CDH12: variants seen among roughly 807,000 people sequenced by gnomAD.
CDH12 encodes the protein cadherin 12.
In CDH12, 41 loss-of-function variants were observed where a neutral mutation model predicts 74.1. The observed-to-expected ratio is 0.55, with a 90% CI of 0.43 to 0.72. The LOEUF (loss-of-function observed/expected upper bound fraction) is 0.72. Among genes scored for constraint, CDH12 ranks in the 30% least tolerant of loss-of-function variants. The pLI is 0.00. For missense variants in CDH12, 945 were observed against 977.2 expected (o/e 0.97, Z 0.44); for synonymous variants, 399 against 355.0 (o/e 1.12, Z -1.39).
intron 5 of CDH12, among the ~76,000 whole-genome samples, chr5:22,074,188 A>T (rs1742145231): frequency 6.6e-6 from 1 of 152,178 alleles, no homozygotes; most frequent in South Asian, 2.1e-4. Flanking sequence ...TCTTTGACAA[A>T]TCTGAGAAAA....
intron 5 of CDH12, among the ~76,000 whole-genome samples, chr5:22,053,437 T>C (rs1740523870): frequency 6.6e-6 from 1 of 152,120 alleles, no homozygotes; most frequent in Non-Finnish European, 1.5e-5. Flanking sequence ...TCTGTTAACA[T>C]GCTTTATGTG....
intron 1 of CDH12, among the ~76,000 whole-genome samples, chr5:22,838,646 A>AGTGTGTGT (rs1260205552): frequency 5.3e-5 from 6 of 112,682 alleles, no homozygotes; most frequent in African/African-American, 2.0e-4. Flanking sequence ...GGTGTGTGAG[A>AGTGTGTGT]GTGTCTGTGT....
At chr5:22,336,148 C>T (rs746840038) in intron 3 of CDH12, among the ~76,000 whole-genome samples, 4 of 152,150 alleles carry the variant, frequency 2.6e-5, no homozygotes, top group Non-Finnish European at 5.9e-5. Flanking sequence ...AAACTTTGAA[C>T]TTGAGAGAGA....
At position 22,812,118 on chromosome 5, in the gene CDH12, A is replaced by G. The variant is rs1749178118; in HGVS notation, c.-523+40940T>C. 3.3e-5 allele frequency among the ~76,000 whole-genome samples: 5 copies of G among 152,152 alleles called. No individual in the cohort carries two copies. The South Asian group carries it at 1.0e-3, about 32-fold the overall frequency. On this transcript the variant is annotated intron_variant, in intron 1 of 14. Coordinates refer to ENST00000382254, the MANE Select transcript of CDH12 (RefSeq NM_004061.5). ...ATGATGAGCTTAACTGTGGAACTGG[A>G]CATATAAGATTATGAAATCATGAAA...
At chr5:21,811,367 A>C (rs1747734757) in intron 9 of CDH12, among the ~76,000 whole-genome samples, 1 of 152,038 alleles carries the variant, frequency 6.6e-6, no homozygotes, top group Admixed American at 6.6e-5. Context: ...TAATTATTTA[A>C]ATTTTGCAAT....
intron 4 of CDH12, among the ~76,000 whole-genome samples, chr5:22,153,929 A>C (rs1276515541): frequency 6.2e-5 from 8 of 129,112 alleles, no homozygotes; most frequent in Admixed American, 3.1e-4. Flanking sequence ...CACACACACA[A>C]ACATATATAT....
Position 22,425,520 on chromosome 5 carries a change from TTATAA to T in CDH12, c.-427-20174_-427-20170del, listed in dbSNP as rs1483583759. 3.9e-5 allele frequency among the ~76,000 whole-genome samples: 6 copies of T among 152,134 alleles called. No individual in the cohort carries two copies. The East Asian group carries it at 1.2e-3, about 29-fold the overall frequency. On this transcript the variant is annotated intron_variant, in intron 2 of 14. Transcript: ENST00000382254. ...TTTTGTATTCAAACATAAATTACAC[TTATAA>T]TATGAAATATGATATGAGTAGCAAC...
At chr5:22,805,631 ATTTAAG>A (rs1312120782) in intron 1 of CDH12, among the ~76,000 whole-genome samples, 1 of 152,102 alleles carries the variant, frequency 6.6e-6, no homozygotes, top group African/African-American at 2.4e-5. Flanking sequence ...AACATTTAGC[ATTTAAG>A]TTTATTTTAC....
chr5:21,776,147 C>G (rs973091225), intron 11 of CDH12, among the ~76,000 whole-genome samples: 3 of 152,192 alleles, frequency 2.0e-5, no homozygotes, highest in African/African-American at 7.2e-5. Context: ...ATGTTACAAA[C>G]TGCTCTATGG....
intron 1 of CDH12, among the ~76,000 whole-genome samples, chr5:22,544,177 G>A (rs1738218436): frequency 6.6e-6 from 1 of 151,452 alleles, no homozygotes; most frequent in Admixed American, 6.6e-5. Context: ...TTCTCCTCTA[G>A]GTTGTCTCCA....
intron 4 of CDH12, among the ~76,000 whole-genome samples, chr5:22,202,876 T>C (rs1221472259): frequency 6.6e-6 from 1 of 152,246 alleles, no homozygotes; most frequent in African/African-American, 2.4e-5. Context: ...GTAAGTGACT[T>C]TCTCTCCCTT....
At position 21,783,395 on chromosome 5, in the gene CDH12, A is replaced by C; in HGVS notation, c.1356T>G (p.Thr452=). The C allele has an allele frequency of 6.2e-7, 1 of 1,613,082 alleles. No homozygotes were observed. The highest frequency in any genetic ancestry group is 8.5e-7 in the Non-Finnish European group (1 of 1,179,122). The part of the protein sequence containing the change: ...ATNELLDRES[T]AQYNFSIIAS... ...CAATTATGGAGAAATTATACTGCGCAGTGCTTTCTCTGTCTAGTAATTCAT... is the reference window on the plus strand; with the variant it reads ...CAATTATGGAGAAATTATACTGCGCCGTGCTTTCTCTGTCTAGTAATTCAT... The change falls in exon 11 of 15, where the codon ACT becomes ACG. Residue 452 remains threonine (T), a synonymous_variant. Transcript: ENST00000382254.
chr5:22,664,033 A>T (rs751216949), intron 1 of CDH12, among the ~76,000 whole-genome samples: 1 of 152,174 alleles, frequency 6.6e-6, no homozygotes, highest in Non-Finnish European at 1.5e-5. Flanking sequence ...TTTATTATGC[A>T]GATTACCGTG....
At chr5:22,174,367 A>G (rs865951613) in intron 4 of CDH12, among the ~76,000 whole-genome samples, 2 of 152,006 alleles carry the variant, frequency 1.3e-5, no homozygotes, top group African/African-American at 2.4e-5. Flanking sequence ...TAAAGCAAAA[A>G]CAGTAAGTAT....
chr5:22,777,163 A>G (rs770594399), intron 1 of CDH12, among the ~76,000 whole-genome samples: 1 of 152,170 alleles, frequency 6.6e-6, no homozygotes, highest in African/African-American at 2.4e-5. Context: ...AAAAAAATCT[A>G]GTGAAGAAAT....
chr5:22,643,750 TTTTTTTTTTTC>T (rs1232418124), intron 1 of CDH12, among the ~76,000 whole-genome samples: 22 of 137,792 alleles, frequency 1.6e-4, no homozygotes, highest in East Asian at 6.8e-4. Context: ...TTTTTTTTTT[TTTTTTTTTTTC>T]CACAAATTGA....
chr5:22,575,205 A>AT (rs963826562), intron 1 of CDH12, among the ~76,000 whole-genome samples: 84 of 152,234 alleles, frequency 5.5e-4, no homozygotes, highest in African/African-American at 1.9e-3. Context: ...GTGCTTAAGC[A>AT]TTTGATACAG....
intron 6 of CDH12, among the ~76,000 whole-genome samples, chr5:21,929,586 C>T (rs566123887): frequency 7.9e-5 from 12 of 152,126 alleles, no homozygotes; most frequent in African/African-American, 1.9e-4. Context: ...GTATGATCTC[C>T]GCTCACTGCA....
intron 3 of CDH12, among the ~76,000 whole-genome samples, chr5:22,353,300 T>A (rs1740430282): frequency 6.6e-6 from 1 of 152,140 alleles, no homozygotes; most frequent in African/African-American, 2.4e-5. Context: ...TCTACATAAT[T>A]ACAGAGAATG....
Sources: allele counts gnomAD v4.1 joint callset (sites outside exome capture counted in the v4.1 genomes callset), GRCh38; gene constraint gnomAD v4.1.1; transcripts MANE v1.5; gene names NCBI Gene and HGNC (gene_info 2026-07-23, HGNC 2026-07-21).